DLGAP2: variants seen among roughly 807,000 people sequenced by gnomAD.
The protein encoded by DLGAP2 is DLG associated protein 2.
A neutral mutation model predicts 100.3 loss-of-function variants in DLGAP2; 26 were observed. The observed-to-expected ratio is 0.26, with a 90% CI of 0.19 to 0.36. The LOEUF (loss-of-function observed/expected upper bound fraction) is 0.36. Among genes scored for constraint, DLGAP2 ranks in the 10% least tolerant of loss-of-function variants. DLGAP2 has a pLI of 1.00. For synonymous variants in DLGAP2, 886 were observed against 630.1 expected, an observed-to-expected ratio of 1.41 and a Z score of -6.08; for missense variants, 1,858 against 1,453.2, an observed-to-expected ratio of 1.28 and a Z score of -4.53.
intron 1 of DLGAP2, among the ~76,000 whole-genome samples, chr8:834,706 C>G (rs1055144019): frequency 6.6e-6 from 1 of 151,984 alleles, no homozygotes; most frequent in African/African-American, 2.4e-5. Flanking sequence ...GGTGCTATGC[C>G]CTATTGGGTA....
intron 5 of DLGAP2, among the ~76,000 whole-genome samples, chr8:1,558,194 G>A (rs1414363579): frequency 2.6e-5 from 4 of 152,196 alleles, no homozygotes; most frequent in Admixed American, 1.3e-4. Flanking sequence ...CCATGAGCCC[G>A]TGGCTCCCAT....
chr8:1,370,415 A>T (rs992434697), intron 3 of DLGAP2, among the ~76,000 whole-genome samples: 1 of 152,104 alleles, frequency 6.6e-6, no homozygotes, highest in African/African-American at 2.4e-5. Flanking sequence ...TTATCTTACC[A>T]TTCATGCTTT....
At chr8:1,423,675 G>T (rs1229534278) in intron 3 of DLGAP2, among the ~76,000 whole-genome samples, 3 of 152,198 alleles carry the variant, frequency 2.0e-5, no homozygotes, top group East Asian at 1.9e-4. Context: ...TGCGTTGAGA[G>T]CCTGGCATGT....
At chr8:1,085,786 T>C (rs1010013485) in intron 2 of DLGAP2, among the ~76,000 whole-genome samples, 1 of 152,196 alleles carries the variant, frequency 6.6e-6, no homozygotes, top group Non-Finnish European at 1.5e-5. Flanking sequence ...TTAGAATTGT[T>C]TTTTCTGTAT....
intron 6 of DLGAP2, among the ~76,000 whole-genome samples, chr8:1,582,898 G>A (rs537934541): frequency 2.0e-5 from 3 of 152,250 alleles, no homozygotes; most frequent in South Asian, 2.1e-4. Flanking sequence ...AAAGAAGAGG[G>A]CAGCAGGAAC....
intron 1 of DLGAP2, among the ~76,000 whole-genome samples, chr8:802,380 C>T (rs1051782580): frequency 3.9e-5 from 6 of 152,200 alleles, no homozygotes; most frequent in African/African-American, 1.4e-4. Flanking sequence ...CCTCATCCAG[C>T]CCAGTCTTCC....
chr8:1,290,719 T>C (rs1257679646), intron 3 of DLGAP2, among the ~76,000 whole-genome samples: 4 of 152,228 alleles, frequency 2.6e-5, no homozygotes, highest in Non-Finnish European at 2.9e-5. Flanking sequence ...GTATACATTT[T>C]ACATTCCAGA....
intron 1 of DLGAP2, among the ~76,000 whole-genome samples, chr8:877,314 T>C (rs1465987801): frequency 1.3e-5 from 2 of 152,210 alleles, no homozygotes; most frequent in African/African-American, 4.8e-5. Flanking sequence ...TGTTGTTTCT[T>C]CGTTCAGTGA....
intron 2 of DLGAP2, among the ~76,000 whole-genome samples, chr8:1,177,283 T>C (rs763053453): frequency 2.0e-5 from 3 of 152,186 alleles, no homozygotes; most frequent in Non-Finnish European, 2.9e-5. Context: ...TATTTATTTA[T>C]CTTTTCTCCG....
intron 2 of DLGAP2, among the ~76,000 whole-genome samples, chr8:1,062,264 G>A (rs1469364671): frequency 1.3e-5 from 2 of 152,184 alleles, no homozygotes; most frequent in African/African-American, 4.8e-5. Context: ...ATGCATCGCA[G>A]TCCTGTGCCT....
In DLGAP2 at chr8:1,668,530, A is replaced by G. The variant is rs1481244544; in HGVS notation, c.2012A>G (p.Lys671Arg). The change falls in exon 9 of 15, where the codon AAG becomes AGG. Residue 671 changes from lysine (K) to arginine (R), a missense_variant. Coordinates refer to ENST00000637795, the MANE Select transcript of DLGAP2 (RefSeq NM_001346810.2). ...YNSTDSLDSN[K>R]AMNLALETAA... Reference sequence around the variant, plus strand: ...TCCACGGACAGCCTGGACAGCAACAAGGCCATGAACCTCGCGCTGGAAACG... The same window carrying G: ...TCCACGGACAGCCTGGACAGCAACAGGGCCATGAACCTCGCGCTGGAAACG... 2 of 1,593,540 alleles carry G rather than the reference A, an allele frequency of 1.3e-6. No individual in the cohort carries two copies. Among genetic ancestry groups the G allele is most frequent in the Non-Finnish European group, 8.5e-7 (1 of 1,171,050 alleles).
At chr8:1,120,659 C>CCTAGT (rs1796016204) in intron 2 of DLGAP2, among the ~76,000 whole-genome samples, 1 of 151,752 alleles carries the variant, frequency 6.6e-6, no homozygotes, top group African/African-American at 2.4e-5. Flanking sequence ...GACTATAAAC[C>CCTAGT]CTAGTCCTTT....
chr8:1,357,711 C>T (rs111313037), intron 3 of DLGAP2, among the ~76,000 whole-genome samples: 8 of 152,314 alleles, frequency 5.3e-5, no homozygotes, highest in African/African-American at 9.6e-5. Flanking sequence ...AGCCTTGCTG[C>T]GATACGCAGC....
chr8:990,186 T>C (rs1170099536), intron 2 of DLGAP2, among the ~76,000 whole-genome samples: 4 of 152,040 alleles, frequency 2.6e-5, no homozygotes, highest in Non-Finnish European at 4.4e-5. Context: ...TCCATTCTTT[T>C]TGTTGGTGAG....
chr8:810,445 G>A (rs1357163998), intron 1 of DLGAP2, among the ~76,000 whole-genome samples: 1 of 152,212 alleles, frequency 6.6e-6, no homozygotes, highest in Non-Finnish European at 1.5e-5. Context: ...GAAGTTGTAA[G>A]TGCCTAATAT....
At position 859,491 on chromosome 8, in the gene DLGAP2, G is replaced by A. The variant is rs575772637; in HGVS notation, c.19-48421G>A. Among the ~76,000 whole-genome samples, 140 of 152,236 alleles carry A rather than the reference G, an allele frequency of 9.2e-4. 2 individuals carry two copies. The highest frequency in any genetic ancestry group is 3.3e-3 in the African/African-American group (139 of 41,542). On this transcript the variant is annotated intron_variant, in intron 1 of 14. Transcript: ENST00000637795. Reference sequence around the variant, plus strand: ...TGCCTTGCCTGAGAGCTGGTTAGCGGCACGTGTGAGCTGATCTCCATTCTT... The same window carrying A: ...TGCCTTGCCTGAGAGCTGGTTAGCGACACGTGTGAGCTGATCTCCATTCTT...
intron 6 of DLGAP2, 26 bp from the exon 7 acceptor site, chr8:1,626,714 C>T (rs761168452): frequency 6.3e-7 from 1 of 1,577,890 alleles, no homozygotes; most frequent in Non-Finnish European, 8.6e-7. Context: ...CACAGAATGC[C>T]TTTTCTCCTT....
chr8:1,446,690 C>T (rs1267748697), intron 3 of DLGAP2, among the ~76,000 whole-genome samples: 1 of 152,166 alleles, frequency 6.6e-6, no homozygotes, highest in Non-Finnish European at 1.5e-5. Flanking sequence ...GGCAGTATGG[C>T]CATTTTCACA....
chr8:1,329,347 C>G (rs184328490), intron 3 of DLGAP2, among the ~76,000 whole-genome samples: 1 of 152,144 alleles, frequency 6.6e-6, no homozygotes, highest in South Asian at 2.1e-4. Flanking sequence ...GATTAAATGG[C>G]ATTTCATTTA....
Sources: gnomAD v4.1 joint callset for allele counts (sites outside exome capture counted in the v4.1 genomes callset) on GRCh38, gnomAD v4.1.1 for gene constraint, MANE v1.5 for transcripts, NCBI Gene and HGNC (gene_info 2026-07-23, HGNC 2026-07-21) for gene names.